The following HMCN1 variants were observed in gnomAD, a reference collection of about 807,000 sequenced individuals.
The protein encoded by HMCN1 is hemicentin 1.
In HMCN1, 321 loss-of-function variants were observed where a neutral mutation model predicts 625.9. That is an observed-to-expected ratio of 0.51 (90% CI 0.47 to 0.56). The LOEUF (loss-of-function observed/expected upper bound fraction) is 0.56. Ranked by LOEUF, HMCN1 falls within the 20% of genes least tolerant of loss-of-function variation. HMCN1 has a pLI of 0.00. For missense variants in HMCN1, 6,588 were observed against 6,887.3 expected (o/e 0.96, Z 1.54); for synonymous variants, 2,425 against 2,417.6 (o/e 1.00, Z -0.09).
chr1:185,780,559 G>C (rs1386261314), intron 1 of HMCN1, among the ~76,000 whole-genome samples: 2 of 152,108 alleles, frequency 1.3e-5, no homozygotes, highest in African/African-American at 2.4e-5. Flanking sequence ...TAGCATGAAG[G>C]GCTGATGAAT....
chr1:186,008,606 A>T (rs917409668), intron 30 of HMCN1, among the ~76,000 whole-genome samples: 8 of 152,126 alleles, frequency 5.3e-5, no homozygotes, highest in African/African-American at 1.9e-4. Flanking sequence ...AACCACTGCC[A>T]CTGACTAGCT....
chr1:186,131,633 C>A (rs1227765453), intron 85 of HMCN1, among the ~76,000 whole-genome samples: 2 of 152,078 alleles, frequency 1.3e-5, no homozygotes, highest in African/African-American at 4.8e-5. Flanking sequence ...AATCTACTAC[C>A]TGCAAATCAG....
intron 49 of HMCN1, 84 bp from the exon 50 acceptor site, chr1:186,067,750 C>A: frequency 1.1e-6 from 1 of 903,362 alleles, no homozygotes. Flanking sequence ...TGAAATTATA[C>A]AAATACATAT....
chr1:186,190,640 G>T lies in HMCN1; in HGVS notation c.*762G>T, dbSNP rs188736523. 5.2e-6 allele frequency: 1 copy of T among 191,382 alleles called. No individual in the cohort carries two copies. The highest frequency in any genetic ancestry group is 2.3e-5 in the African/African-American group (1 of 42,842). 11.9% of individuals were successfully genotyped at this position (191,382 alleles called of 1,614,324 possible). On this transcript the variant is annotated 3_prime_UTR_variant, in exon 107 of 107. Transcript: ENST00000271588. ...ATCCAGTTAGCTTCATAACTTTTAC[G>T]TTCCAGAATTTTGTTTATTTTCCTG...
chr1:185,783,505 A>C (rs1012757484), intron 1 of HMCN1, among the ~76,000 whole-genome samples: 2 of 151,860 alleles, frequency 1.3e-5, no homozygotes, highest in African/African-American at 2.4e-5. Flanking sequence ...GATGATGGTG[A>C]CGTACGGATG....
chr1:186,086,144 A>G, intron 57 of HMCN1, 102 bp from the exon 58 acceptor site: 3 of 1,064,108 alleles, frequency 2.8e-6, no homozygotes, highest in Non-Finnish European at 4.3e-6. Flanking sequence ...AGAATCGTTA[A>G]CTCAGTCCTT....
At chr1:186,107,645 T>G (rs1660671387) in intron 70 of HMCN1, among the ~76,000 whole-genome samples, 1 of 152,048 alleles carries the variant, frequency 6.6e-6, no homozygotes, top group African/African-American at 2.4e-5. Context: ...TTTTGGAGGT[T>G]TAGGCTATTT....
intron 4 of HMCN1, among the ~76,000 whole-genome samples, chr1:185,876,569 A>G (rs77263049): frequency 7.0e-4 from 106 of 152,206 alleles, no homozygotes; most frequent in African/African-American, 2.5e-3. Flanking sequence ...CTTTGCCAAC[A>G]TCTGCTCTTT....
At chr1:185,935,872 G>A (rs1482230344) in intron 11 of HMCN1, among the ~76,000 whole-genome samples, 1 of 152,122 alleles carries the variant, frequency 6.6e-6, no homozygotes, top group Admixed American at 6.5e-5. Flanking sequence ...GAAGTAAACT[G>A]CCATACCTAG....
chr1:186,001,521 C>T, intron 27 of HMCN1, 73 bp from the exon 28 acceptor site: 1 of 1,597,554 alleles, frequency 6.3e-7, no homozygotes, highest in South Asian at 1.1e-5. Flanking sequence ...ATAATATAAA[C>T]ATTCTACTTC....
Position 186,178,441 on chromosome 1 carries a change from T to A in HMCN1, c.15969T>A (p.Pro5323=). Residue 5323 remains proline, a synonymous_variant, in exon 104 of 107, where the codon CCT becomes CCA. Coordinates refer to ENST00000271588, the MANE Select transcript of HMCN1 (RefSeq NM_031935.3). ...CMDINECEQV[P]KPCAHQCSNT... ...ACATTAATGAATGTGAACAAGTGCC[T>A]AAACCTTGTGCACATCAGTGCTCCA... 2 of 1,613,942 alleles carry A rather than the reference T, an allele frequency of 1.2e-6. No homozygotes were observed. The highest frequency in any genetic ancestry group is 2.2e-5 in the South Asian group (2 of 91,060).
chr1:185,818,500 C>G (rs1278018029), intron 1 of HMCN1, among the ~76,000 whole-genome samples: 1 of 152,080 alleles, frequency 6.6e-6, no homozygotes, highest in East Asian at 1.9e-4. Flanking sequence ...TCACTTTTCT[C>G]TTTTAAAATT....
At chr1:185,829,683 T>C (rs1172450010) in intron 1 of HMCN1, among the ~76,000 whole-genome samples, 1 of 152,172 alleles carries the variant, frequency 6.6e-6, no homozygotes, top group Non-Finnish European at 1.5e-5. Context: ...GTTGATTCCA[T>C]GTATTTGTTA....
At chr1:186,045,435 G>A (rs1002341800) in intron 40 of HMCN1, among the ~76,000 whole-genome samples, 7 of 152,090 alleles carry the variant, frequency 4.6e-5, no homozygotes, top group African/African-American at 1.7e-4. Flanking sequence ...TCTTAATTGG[G>A]CACTTGATGA....
At chr1:186,086,590 T>A (rs749473829) in intron 58 of HMCN1, among the ~76,000 whole-genome samples, 183 bp downstream of exon 58, 4 of 152,090 alleles carry the variant, frequency 2.6e-5, no homozygotes, top group Non-Finnish European at 5.9e-5. Flanking sequence ...CTGATTTTAG[T>A]GGGAATGTAC....
At chr1:186,023,248 C>A in intron 36 of HMCN1, 95 bp downstream of exon 36, 2 of 1,085,112 alleles carry the variant, frequency 1.8e-6, no homozygotes, top group Non-Finnish European at 2.7e-6. Context: ...ATAAAAGAAA[C>A]AGGTGTTTAT....
At chr1:185,767,391 G>A (rs916429007) in intron 1 of HMCN1, among the ~76,000 whole-genome samples, 8 of 152,144 alleles carry the variant, frequency 5.3e-5, no homozygotes, top group African/African-American at 1.9e-4. Context: ...AATGGTATCA[G>A]CTTTCCATTT....
Position 186,132,848 on chromosome 1 carries a change from G to A in HMCN1, c.13312+439G>A, listed in dbSNP as rs549755124. On this transcript the variant is annotated intron_variant, in intron 86 of 106. Transcript: ENST00000271588. ...GTGATGTTCCCCTTCCTGTGTCCAT[G>A]TTCTCATTGTTCAGTTCCCACCTAT... 1.6e-4 allele frequency among the ~76,000 whole-genome samples: 25 copies of A among 151,880 alleles called. No individual in the cohort carries two copies. The Middle Eastern group carries it at 0.01, about 62-fold the overall frequency.
intron 11 of HMCN1, among the ~76,000 whole-genome samples, chr1:185,955,298 T>G (rs753996346): frequency 4.6e-5 from 7 of 152,198 alleles, no homozygotes; most frequent in Admixed American, 2.6e-4. Context: ...AAATTTACAC[T>G]CCTCTGTCCA....
Sources: gnomAD v4.1 joint callset for allele counts (sites outside exome capture counted in the v4.1 genomes callset) on GRCh38, gnomAD v4.1.1 for gene constraint, MANE v1.5 for transcripts, NCBI Gene and HGNC (gene_info 2026-07-23, HGNC 2026-07-21) for gene names.